The following PCDH11Y variants were observed in gnomAD, a reference collection of about 807,000 sequenced individuals.
PCDH11Y encodes the protein protocadherin 11 Y-linked.
For missense variants in PCDH11Y, 12 were observed against 224.8 expected (o/e 0.05, Z 6.05); for synonymous variants, 9 against 83.6 (o/e 0.11, Z 4.87).
At position 5,555,029 on chromosome Y, in the gene PCDH11Y, A is replaced by G. The variant is rs2124694520; in HGVS notation, c.3329-26746A>G. 2.8e-4 allele frequency among the ~76,000 whole-genome samples: 9 copies of G among 31,815 alleles called. No individual in the cohort carries two copies. In the South Asian group the frequency reaches 6.7e-3, roughly 24 times the overall value. The allele number at this position is 31,815 out of a possible 37,273, so 85.4% of individuals were successfully genotyped here. On this transcript the variant is annotated intron_variant, in intron 3 of 4. Transcript: ENST00000400457. ...CACAAACACTCAACACCAGCCCACG[A>G]AAGCAGTTGGGAGGGATGCTGTACC... is the stretch of plus-strand genomic sequence containing the variant.
chrY:5,378,288 TACACACAC>T (rs200306687), intron 2 of PCDH11Y, among the ~76,000 whole-genome samples: 69 of 23,383 alleles, frequency 3.0e-3, no homozygotes, highest in African/African-American at 0.011. Flanking sequence ...AATAAATAAA[TACACACAC>T]ACACACACAC....
At chrY:5,449,275 G>T (rs2053290757) in intron 2 of PCDH11Y, among the ~76,000 whole-genome samples, 1 of 32,522 alleles carries the variant, frequency 3.1e-5, no homozygotes, top group Non-Finnish European at 7.5e-5. Context: ...TCCTTTTTTA[G>T]CATGAAGACA....
At chrY:5,089,132 A>G (rs2563341) in intron 1 of PCDH11Y, among the ~76,000 whole-genome samples, 1 of 31,216 alleles carries the variant, frequency 3.2e-5, no homozygotes, top group Non-Finnish European at 7.7e-5. Flanking sequence ...TTTTACTTCA[A>G]TTATCACTTA....
At chrY:5,452,783 C>T (rs1602927902) in intron 2 of PCDH11Y, among the ~76,000 whole-genome samples, 11 of 33,121 alleles carry the variant, frequency 3.3e-4, no homozygotes, top group African/African-American at 9.4e-4. Context: ...AATAGAAACA[C>T]ACAAGCCTGG....
chrY:5,367,510 G>A (rs1602912633), intron 2 of PCDH11Y, among the ~76,000 whole-genome samples: 1 of 25,785 alleles, frequency 3.9e-5, no homozygotes, highest in Non-Finnish European at 8.9e-5. Context: ...TCAGCCTCCC[G>A]AGTAGCTGGG....
intron 2 of PCDH11Y, among the ~76,000 whole-genome samples, chrY:5,178,685 C>T: frequency 1.9e-4 from 6 of 31,513 alleles, no homozygotes; most frequent in African/African-American, 3.8e-4. Flanking sequence ...CATAGGAAAA[C>T]GTGTCCCATG....
intron 3 of PCDH11Y, among the ~76,000 whole-genome samples, chrY:5,534,693 T>C: frequency 8.9e-5 from 3 of 33,605 alleles, no homozygotes; most frequent in African/African-American, 3.5e-4. Context: ...CAGAACGATT[T>C]ACATTCCTTT....
intron 3 of PCDH11Y, among the ~76,000 whole-genome samples, chrY:5,040,964 T>C (rs2052606730): frequency 3.1e-5 from 1 of 32,173 alleles, no homozygotes; most frequent in Non-Finnish European, 7.6e-5. Context: ...TATAAATCAC[T>C]CCGATTATTT....
At chrY:5,691,066 C>A in intron 4 of PCDH11Y, among the ~76,000 whole-genome samples, 1 of 32,717 alleles carries the variant, frequency 3.1e-5, no homozygotes, top group Non-Finnish European at 7.5e-5. Flanking sequence ...TGGATGGGAC[C>A]AATATTTAAT....
chrY:5,373,126 C>T (rs143753729), intron 2 of PCDH11Y, among the ~76,000 whole-genome samples: 2 of 860 alleles, frequency 2.3e-3, no homozygotes, highest in African/African-American at 0.013. Context: ...CTCCCTCCCT[C>T]CTTTCTTTCT....
At chrY:5,677,430 A>T in intron 4 of PCDH11Y, among the ~76,000 whole-genome samples, 1 of 31,637 alleles carries the variant, frequency 3.2e-5, no homozygotes, top group East Asian at 8.5e-4. Flanking sequence ...ATCACAATTT[A>T]ATCTTGACAT....
At chrY:5,620,577 A>G in intron 4 of PCDH11Y, among the ~76,000 whole-genome samples, 1 of 32,706 alleles carries the variant, frequency 3.1e-5, no homozygotes, top group East Asian at 8.2e-4. Flanking sequence ...TCCTGATACC[A>G]AAACCTGGCA....
At chrY:5,010,064 G>T in intron 1 of PCDH11Y, among the ~76,000 whole-genome samples, 1 of 30,383 alleles carries the variant, frequency 3.3e-5, no homozygotes, top group Non-Finnish European at 7.9e-5. Context: ...AAAATTAGCT[G>T]GGCGTCTTGC....
At chrY:5,501,695 A>G in intron 3 of PCDH11Y, among the ~76,000 whole-genome samples, 5 of 29,580 alleles carry the variant, frequency 1.7e-4, no homozygotes, top group African/African-American at 5.3e-4. Context: ...CCTGACTCCA[A>G]TGTAGGAGAG....
chrY:5,214,404 A>G (rs2052943464), intron 2 of PCDH11Y, among the ~76,000 whole-genome samples: 1 of 32,841 alleles, frequency 3.0e-5, no homozygotes, highest in African/African-American at 1.2e-4. Flanking sequence ...TTTTTCATCT[A>G]TTATTTCTTC....
intron 2 of PCDH11Y, among the ~76,000 whole-genome samples, chrY:5,270,372 G>C: frequency 3.3e-5 from 1 of 30,454 alleles, no homozygotes; most frequent in Non-Finnish European, 7.8e-5. Context: ...GCCAGGCATA[G>C]TGGTGTGTGC....
intron 1 of PCDH11Y, among the ~76,000 whole-genome samples, chrY:5,066,246 A>G: frequency 3.4e-5 from 1 of 29,462 alleles, no homozygotes; most frequent in Non-Finnish European, 8.0e-5. Flanking sequence ...AACAGCCTGC[A>G]TCCTAAGGAC....
intron 2 of PCDH11Y, among the ~76,000 whole-genome samples, chrY:5,194,813 G>T (rs2052916988): frequency 3.0e-5 from 1 of 32,833 alleles, no homozygotes; most frequent in Admixed American, 2.8e-4. Context: ...CACTGCTGGC[G>T]AGGGTGGCCT....
At chrY:5,108,201 G>T (rs2052796716), downstream of PCDH11Y, among the ~76,000 whole-genome samples, 1 of 32,321 alleles carries the variant, frequency 3.1e-5, no homozygotes. Flanking sequence ...AGCACTCAAA[G>T]AAATATTATT....
Sources: allele counts gnomAD v4.1 joint callset (sites outside exome capture counted in the v4.1 genomes callset), GRCh38; gene constraint gnomAD v4.1.1; transcripts MANE v1.5; gene names NCBI Gene and HGNC (gene_info 2026-07-23, HGNC 2026-07-21).